The following NCAM1 variants were observed in gnomAD, a reference collection of about 807,000 sequenced individuals.
The protein encoded by NCAM1 is neural cell adhesion molecule 1, also known as antigen recognized by monoclonal antibody 5.1H11.
In NCAM1, 14 loss-of-function variants were observed where a neutral mutation model predicts 109.8. That is an observed-to-expected ratio of 0.13 (90% CI 0.08 to 0.20). NCAM1 has a LOEUF of 0.20. Among genes scored for constraint, NCAM1 ranks in the 10% least tolerant of loss-of-function variants. The probability of loss-of-function intolerance (pLI) is 1.00; values close to 1 mark genes in which losing one functional copy is unlikely to be tolerated. For synonymous variants in NCAM1, 418 were observed against 442.9 expected (o/e 0.94, Z 0.70); for missense variants, 774 against 1,109.9 (o/e 0.70, Z 4.30).
At chr11:113,030,129 G>A (rs1952671242) in intron 1 of NCAM1, among the ~76,000 whole-genome samples, 1 of 152,134 alleles carries the variant, frequency 6.6e-6, no homozygotes, top group African/African-American at 2.4e-5. Flanking sequence ...CTGCATCTTC[G>A]TTTCTGACAC....
At chr11:112,967,874 T>C (rs1173150395) in intron 1 of NCAM1, among the ~76,000 whole-genome samples, 31 of 152,182 alleles carry the variant, frequency 2.0e-4, no homozygotes, top group Non-Finnish European at 2.2e-4. Flanking sequence ...TAGGTCTTGT[T>C]GGGCCTGAAG....
intron 1 of NCAM1, among the ~76,000 whole-genome samples, chr11:113,183,149 C>T (rs917525724): frequency 6.6e-6 from 1 of 152,142 alleles, no homozygotes; most frequent in South Asian, 2.1e-4. Context: ...TTTGTAGGGG[C>T]AAGACCAGAA....
intron 1 of NCAM1, among the ~76,000 whole-genome samples, chr11:113,050,260 T>A (rs1953427341): frequency 6.6e-6 from 1 of 152,210 alleles, no homozygotes; most frequent in African/African-American, 2.4e-5. Context: ...TTGTCCATAC[T>A]TAATGGTAGT....
intron 1 of NCAM1, among the ~76,000 whole-genome samples, chr11:113,173,083 C>G (rs1038064524): frequency 1.3e-5 from 2 of 152,114 alleles, no homozygotes; most frequent in Non-Finnish European, 2.9e-5. Context: ...AAAGCAATGG[C>G]TTCTCGTTGT....
At chr11:113,130,368 C>T (rs1941341119) in intron 1 of NCAM1, among the ~76,000 whole-genome samples, 1 of 152,154 alleles carries the variant, frequency 6.6e-6, no homozygotes, top group Non-Finnish European at 1.5e-5. Flanking sequence ...CAACACTGAA[C>T]AAAACAGAGA....
In NCAM1 at chr11:113,145,126, A is replaced by G. The variant is rs188262164; in HGVS notation, c.53-57253A>G. ...CTACTTGAACATTTTGTCTTAGAAA[A>G]GATTGACACTCATTCATTCACTCTT... On this transcript the variant is annotated intron_variant, in intron 1 of 19. Transcript: ENST00000316851. 3.9e-3 allele frequency among the ~76,000 whole-genome samples: 597 copies of G among 152,350 alleles called. 2 individuals are homozygous for G. The highest frequency in any genetic ancestry group is 5.3e-3 in the Non-Finnish European group (359 of 68,028).
intron 1 of NCAM1, among the ~76,000 whole-genome samples, chr11:113,062,692 C>T (rs1937726950): frequency 1.3e-5 from 2 of 152,108 alleles, no homozygotes; most frequent in African/African-American, 4.8e-5. Flanking sequence ...AAAGTTTAGG[C>T]CAGGTGCGGT....
In NCAM1 at chr11:112,971,280, T is replaced by C. The variant is rs570819060; in HGVS notation, c.52+9616T>C. Among the ~76,000 whole-genome samples, 4 of 152,170 alleles carry C rather than the reference T, an allele frequency of 2.6e-5. No homozygotes were observed. The South Asian group carries it at 8.3e-4, about 32-fold the overall frequency. On this transcript the variant is annotated intron_variant, in intron 1 of 19. Coordinates refer to ENST00000316851, the MANE Select transcript of NCAM1 (RefSeq NM_181351.5). The stretch of plus-strand genomic sequence containing the variant: ...TCTCTCTCTCTCTCTCTGTGTAATA[T>C]GTAACTTGGTTGTAATGGAAAATAC...
chr11:113,138,728 G>C (rs2136181505), intron 1 of NCAM1, among the ~76,000 whole-genome samples: 1 of 152,202 alleles, frequency 6.6e-6, no homozygotes, highest in African/African-American at 2.4e-5. Flanking sequence ...AAAATGACCT[G>C]CTTTCTTGCC....
chr11:113,171,581 C>T (rs535761380), intron 1 of NCAM1, among the ~76,000 whole-genome samples: 2 of 152,098 alleles, frequency 1.3e-5, no homozygotes, highest in Non-Finnish European at 2.9e-5. Context: ...TTGTGGTGAG[C>T]CGAGATCATG....
chr11:113,026,698 T>C (rs1952555635), intron 1 of NCAM1, among the ~76,000 whole-genome samples: 1 of 152,212 alleles, frequency 6.6e-6, no homozygotes. Flanking sequence ...GATGGATGAC[T>C]TATCATCTTG....
chr11:113,231,582 G>A (rs1945007421), intron 9 of NCAM1, 63 bp from the exon 10 acceptor site: 2 of 1,531,272 alleles, frequency 1.3e-6, no homozygotes, highest in Admixed American at 3.5e-5. Flanking sequence ...TCCTGCCATA[G>A]CACTGTTGCC....
chr11:113,205,626 C>G lies in NCAM1; in HGVS notation c.450C>G (p.Ile150Met). The part of the protein sequence containing the change: ...DVVSSLPPTI[I>M]WKHKGRDVIL... ...TCAGCTCCCTCCCACCAACCATCAT[C>G]TGGAAACACAAAGGCCGAGATGTCA... The change falls in exon 4 of 20, where the codon ATC becomes ATG. Residue 150 changes from isoleucine to methionine, a missense_variant. Around this residue, in one of 4 missense-constraint regions of NCAM1, gnomAD observed 17 missense variants for 54.1 expected, o/e 0.31. Transcript: ENST00000316851. The G allele has an allele frequency of 6.2e-7, 1 of 1,613,906 alleles. No homozygotes were observed.
chr11:112,973,503 T>A (rs1950934704), intron 1 of NCAM1, among the ~76,000 whole-genome samples: 1 of 152,164 alleles, frequency 6.6e-6, no homozygotes, highest in South Asian at 2.1e-4. Flanking sequence ...CAGTGCATAC[T>A]GCACAGGGTG....
chr11:113,191,397 TC>T (rs1943669588), intron 1 of NCAM1, among the ~76,000 whole-genome samples: 1 of 152,242 alleles, frequency 6.6e-6, no homozygotes, highest in Admixed American at 6.5e-5. Flanking sequence ...ACAGTGTTTT[TC>T]TTTTCTTACA....
At chr11:113,251,514 C>T (rs1303591529) in intron 15 of NCAM1, among the ~76,000 whole-genome samples, 2 of 152,284 alleles carry the variant, frequency 1.3e-5, no homozygotes, top group Non-Finnish European at 2.9e-5. Flanking sequence ...TTCTTGGGTT[C>T]ATGATTCACA....
chr11:113,259,121 G>A (rs923466367), intron 16 of NCAM1, among the ~76,000 whole-genome samples: 39 of 147,248 alleles, frequency 2.6e-4, no homozygotes, highest in South Asian at 2.1e-4. Context: ...GCGGGATCTC[G>A]GCTCGCTGCA....
At chr11:113,012,810 A>C (rs2135141473) in intron 1 of NCAM1, among the ~76,000 whole-genome samples, 1 of 152,320 alleles carries the variant, frequency 6.6e-6, no homozygotes, top group African/African-American at 2.4e-5. Flanking sequence ...TTTCCAAATA[A>C]GGTAACATTC....
intron 1 of NCAM1, among the ~76,000 whole-genome samples, chr11:113,059,175 T>G (rs1200402307): frequency 6.6e-6 from 1 of 152,192 alleles, no homozygotes; most frequent in Non-Finnish European, 1.5e-5. Context: ...CTCGGTTGCT[T>G]TCTTAGTAAA....
Sources: allele counts gnomAD v4.1 joint callset (sites outside exome capture counted in the v4.1 genomes callset), GRCh38; gene constraint gnomAD v4.1.1; regional missense constraint gnomAD v4.1.1; transcripts MANE v1.5; gene names NCBI Gene and HGNC (gene_info 2026-07-23, HGNC 2026-07-21).